Variants in GALNTL6 observed in about 807,000 individuals in gnomAD.
The protein encoded by GALNTL6 is polypeptide N-acetylgalactosaminyltransferase like 6.
A neutral mutation model predicts 73.7 loss-of-function variants in GALNTL6; 46 were observed. That is an observed-to-expected ratio of 0.62 (90% CI 0.49 to 0.80). The LOEUF is 0.80. Ranked by LOEUF, GALNTL6 falls within the 30% of genes least tolerant of loss-of-function variation. GALNTL6 has a pLI of 0.00. For synonymous variants in GALNTL6, 259 were observed against 263.7 expected, an observed-to-expected ratio of 0.98 and a Z score of 0.17; for missense variants, 604 against 755.0, an observed-to-expected ratio of 0.80 and a Z score of 2.34.
At chr4:171,964,429 T>A (rs1280945879) in intron 2 of GALNTL6, among the ~76,000 whole-genome samples, 1 of 152,208 alleles carries the variant, frequency 6.6e-6, no homozygotes, top group African/African-American at 2.4e-5. Context: ...AGGTATAGAC[T>A]AACACCAAGG....
At chr4:172,014,523 TTTG>T (rs1206542381) in intron 2 of GALNTL6, among the ~76,000 whole-genome samples, 2 of 152,042 alleles carry the variant, frequency 1.3e-5, no homozygotes, top group East Asian at 3.9e-4. Flanking sequence ...GTTTCTCTTT[TTTG>T]TTGTTGTTGT....
chr4:172,132,897 A>C (rs1011183511), intron 2 of GALNTL6, among the ~76,000 whole-genome samples: 1 of 152,122 alleles, frequency 6.6e-6, no homozygotes, highest in Non-Finnish European at 1.5e-5. Flanking sequence ...TGTCACCTCT[A>C]AAATATAGAA....
At chr4:171,993,969 G>T (rs907430392) in intron 2 of GALNTL6, among the ~76,000 whole-genome samples, 1 of 151,904 alleles carries the variant, frequency 6.6e-6, no homozygotes, top group Non-Finnish European at 1.5e-5. Context: ...ACAAAATTTT[G>T]TTCCTGGGAT....
chr4:171,877,083 C>G lies in GALNTL6; in HGVS notation c.138+62365C>G, dbSNP rs527246170. ...TTGGCTTAAAATGTATTTGTAGACC[C>G]AAGATGGAGCTGTCTCTGTTTCTCC... On this transcript the variant is annotated intron_variant, in intron 2 of 12. Transcript: ENST00000506823. Among the ~76,000 whole-genome samples the G allele has an allele frequency of 3.5e-4, 53 of 152,184 alleles. 1 individual carries two copies. Among genetic ancestry groups the G allele is most frequent in the African/African-American group, 1.2e-3 (49 of 41,548 alleles).
chr4:172,275,271 C>A (rs1482370725), intron 3 of GALNTL6, among the ~76,000 whole-genome samples: 1 of 152,122 alleles, frequency 6.6e-6, no homozygotes, highest in African/African-American at 2.4e-5. Flanking sequence ...ATTAATAAAT[C>A]ATTTCTTCGT....
At chr4:172,369,902 C>T (rs1742728560) in intron 5 of GALNTL6, among the ~76,000 whole-genome samples, 2 of 152,224 alleles carry the variant, frequency 1.3e-5, no homozygotes, top group South Asian at 4.1e-4. Context: ...CTCGGCCAAC[C>T]CAGAGAGGGG....
intron 2 of GALNTL6, among the ~76,000 whole-genome samples, chr4:171,927,528 C>T (rs1738025928): frequency 1.3e-5 from 2 of 152,012 alleles, no homozygotes; most frequent in Admixed American, 1.3e-4. Context: ...TCTCTGTTCT[C>T]TCATACCCTA....
intron 5 of GALNTL6, among the ~76,000 whole-genome samples, chr4:172,471,414 T>G (rs1733043884): frequency 6.6e-6 from 1 of 152,178 alleles, no homozygotes; most frequent in Non-Finnish European, 1.5e-5. Context: ...CAAACTTAAT[T>G]CCTTTTGTTT....
intron 6 of GALNTL6, among the ~76,000 whole-genome samples, chr4:172,810,376 A>AC (rs780903577): frequency 6.6e-6 from 1 of 151,986 alleles, no homozygotes; most frequent in Non-Finnish European, 1.5e-5. Flanking sequence ...CAGCTCGAAA[A>AC]CAAAAAAAAC....
At chr4:172,329,015 G>A (rs542404955) in intron 4 of GALNTL6, among the ~76,000 whole-genome samples, 3 of 152,274 alleles carry the variant, frequency 2.0e-5, no homozygotes, top group South Asian at 2.1e-4. Flanking sequence ...GGCTGCCTCC[G>A]AAGTGGTCAA....
intron 7 of GALNTL6, among the ~76,000 whole-genome samples, chr4:172,862,008 A>G (rs1439924896): frequency 1.3e-5 from 2 of 152,218 alleles, no homozygotes; most frequent in African/African-American, 4.8e-5. Context: ...TGTGGAAGCG[A>G]CTTTGGAACT....
chr4:172,162,362 G>A (rs1225122859), intron 2 of GALNTL6, among the ~76,000 whole-genome samples: 1 of 151,754 alleles, frequency 6.6e-6, no homozygotes, highest in Admixed American at 6.6e-5. Flanking sequence ...GTAGAACTAT[G>A]GACCTTCATA....
chr4:171,892,180 A>G lies in GALNTL6; in HGVS notation c.138+77462A>G, dbSNP rs566755959. On this transcript the variant is annotated intron_variant, in intron 2 of 12. Transcript: ENST00000506823. ...CTGATTCCTATCCCCAAGATACTTC[A>G]TTATGTGTATGCAAATATTCCAAAG... is the stretch of plus-strand genomic sequence containing the variant. Among the ~76,000 whole-genome samples, 16 of 152,322 alleles carry G rather than the reference A, an allele frequency of 1.1e-4. No homozygotes were observed. In the South Asian group the frequency reaches 3.3e-3, roughly 32 times the overall value.
intron 12 of GALNTL6, among the ~76,000 whole-genome samples, chr4:173,036,499 G>A (rs147813718): frequency 0.014 from 2,186 of 152,272 alleles, 24 homozygotes; most frequent in Non-Finnish European, 0.025. Flanking sequence ...AGGGTGGACC[G>A]ATCGACTGGC....
intron 5 of GALNTL6, among the ~76,000 whole-genome samples, chr4:172,414,702 T>C (rs1744561437): frequency 6.6e-6 from 1 of 152,180 alleles, no homozygotes; most frequent in African/African-American, 2.4e-5. Flanking sequence ...AATCTTTGTG[T>C]CTTTGTTATC....
chr4:172,151,049 C>T (rs1734074151), intron 2 of GALNTL6, among the ~76,000 whole-genome samples: 1 of 152,120 alleles, frequency 6.6e-6, no homozygotes, highest in Non-Finnish European at 1.5e-5. Flanking sequence ...CTAAAGAACA[C>T]ATCCAGTGAT....
At chr4:172,729,429 G>T (rs537064683) in intron 5 of GALNTL6, among the ~76,000 whole-genome samples, 84 of 152,176 alleles carry the variant, frequency 5.5e-4, no homozygotes, top group African/African-American at 1.9e-3. Flanking sequence ...TAGGGATCTA[G>T]CTTTATTCTT....
At chr4:172,115,999 TA>T (rs1440337923) in intron 2 of GALNTL6, among the ~76,000 whole-genome samples, 3 of 151,966 alleles carry the variant, frequency 2.0e-5, no homozygotes, top group African/African-American at 7.2e-5. Flanking sequence ...CAGTATTAAT[TA>T]AAAAAATGAG....
intron 3 of GALNTL6, among the ~76,000 whole-genome samples, chr4:172,237,416 C>T (rs974007180): frequency 6.6e-6 from 1 of 152,106 alleles, no homozygotes; most frequent in Admixed American, 6.5e-5. Context: ...ATATCCTTTG[C>T]CCACGTTCTA....
Sources: allele counts gnomAD v4.1 joint callset (sites outside exome capture counted in the v4.1 genomes callset), GRCh38; gene constraint gnomAD v4.1.1; transcripts MANE v1.5; gene names NCBI Gene and HGNC (gene_info 2026-07-23, HGNC 2026-07-21).